The following ACER3 variants were observed in gnomAD, a reference collection of about 807,000 sequenced individuals.
The protein encoded by ACER3 is alkCDase 3.
Under a neutral mutation model 48.9 loss-of-function variants are expected in ACER3, and 16 were observed. The ratio of observed to expected loss-of-function variants is 0.33; its 90% CI spans 0.22 to 0.50. ACER3 has a LOEUF of 0.50. Among genes scored for constraint, ACER3 ranks in the 20% least tolerant of loss-of-function variants. The pLI is 0.98. For missense variants in ACER3, 227 were observed against 326.0 expected (o/e 0.70, Z 2.34); for synonymous variants, 109 against 107.8 (o/e 1.01, Z -0.07).
chr11:76,880,371 G>T (rs1945492073), intron 1 of ACER3, among the ~76,000 whole-genome samples: 1 of 152,140 alleles, frequency 6.6e-6, no homozygotes, highest in Non-Finnish European at 1.5e-5. Flanking sequence ...CCAGATGTGT[G>T]GGGATTTCTC....
At chr11:76,935,979 A>G (rs926209911) in intron 2 of ACER3, among the ~76,000 whole-genome samples, 1 of 152,180 alleles carries the variant, frequency 6.6e-6, no homozygotes, top group African/African-American at 2.4e-5. Context: ...AAAAGGCTTA[A>G]TGCAAAAATA....
intron 1 of ACER3, among the ~76,000 whole-genome samples, chr11:76,866,509 C>G (rs1945093982): frequency 6.6e-6 from 1 of 152,192 alleles, no homozygotes; most frequent in Non-Finnish European, 1.5e-5. Context: ...TAAGATGTAG[C>G]AGTGAAGTTT....
intron 1 of ACER3, among the ~76,000 whole-genome samples, chr11:76,919,373 G>C (rs10899312): frequency 0.72 from 109,947 of 152,032 alleles, 40,161 homozygotes; most frequent in African/African-American, 0.78. Context: ...CCCAAACTTT[G>C]TTTCTCATAT....
chr11:76,862,714 A>G (rs914920625), intron 1 of ACER3, among the ~76,000 whole-genome samples: 1 of 152,184 alleles, frequency 6.6e-6, no homozygotes, highest in African/African-American at 2.4e-5. Flanking sequence ...TAATGGGGAA[A>G]AGTTTGCTTC....
chr11:77,024,450 G>A lies in ACER3; in HGVS notation c.*4123G>A, dbSNP rs970532579. ...AGTCAGCTTCATATACCCAGATATG[G>A]ACACTTCTACACGTGAAATTCAAAC... On this transcript the variant is annotated 3_prime_UTR_variant, in exon 11 of 11. Transcript: ENST00000532485. 3 of 152,058 alleles carry A rather than the reference G, an allele frequency of 2.0e-5. No individual in the cohort carries two copies. The highest frequency in any genetic ancestry group is 2.9e-5 in the Non-Finnish European group (2 of 68,044). 9.4% of individuals were successfully genotyped at this position (152,058 alleles called of 1,614,324 possible).
At chr11:76,940,015 C>A (rs777095723) in intron 2 of ACER3, among the ~76,000 whole-genome samples, 2 of 152,216 alleles carry the variant, frequency 1.3e-5, no homozygotes, top group Non-Finnish European at 2.9e-5. Flanking sequence ...ATAATATGAT[C>A]ATGTAAGAGA....
At chr11:76,880,998 A>G (rs577728806) in intron 1 of ACER3, among the ~76,000 whole-genome samples, 94 of 152,160 alleles carry the variant, frequency 6.2e-4, no homozygotes, top group African/African-American at 2.2e-3. Context: ...GCTCACACCT[A>G]TAATACCAGC....
At chr11:76,869,316 T>G (rs1415685641) in intron 1 of ACER3, among the ~76,000 whole-genome samples, 2 of 152,174 alleles carry the variant, frequency 1.3e-5, no homozygotes, top group Non-Finnish European at 2.9e-5. Context: ...AAAACACAGT[T>G]TGAGTTGATA....
At chr11:76,875,729 G>GTT (rs1390719448) in intron 1 of ACER3, among the ~76,000 whole-genome samples, 3 of 79,812 alleles carry the variant, frequency 3.8e-5, no homozygotes, top group Admixed American at 1.2e-4. Context: ...CACAGTTTTT[G>GTT]TTGTTTTTTT....
intron 3 of ACER3, among the ~76,000 whole-genome samples, chr11:76,963,482 C>T (rs564030164): frequency 6.8e-5 from 10 of 146,514 alleles, no homozygotes; most frequent in South Asian, 6.6e-4. Flanking sequence ...CATTAGACAA[C>T]GAGACCAGTG....
intron 1 of ACER3, among the ~76,000 whole-genome samples, chr11:76,875,639 C>T (rs563723349): frequency 2.0e-5 from 3 of 149,946 alleles, no homozygotes; most frequent in Admixed American, 6.7e-5. Context: ...TTGCTTTCCT[C>T]TAAATACTAA....
intron 7 of ACER3, among the ~76,000 whole-genome samples, chr11:77,000,625 A>G (rs1300866938): frequency 1.3e-5 from 2 of 152,140 alleles, no homozygotes; most frequent in Non-Finnish European, 2.9e-5. Context: ...TGTTTTTTCC[A>G]TGTGGATGTC....
intron 1 of ACER3, among the ~76,000 whole-genome samples, chr11:76,884,813 G>A (rs1390742486): frequency 1.3e-5 from 2 of 151,866 alleles, no homozygotes; most frequent in African/African-American, 4.8e-5. Flanking sequence ...GTCCAGGCTG[G>A]AGGGCAATGG....
rs530453556 is a variant in ACER3, at chr11:76,967,703, A to T, written c.268-8586A>T. Reference sequence around the variant, plus strand: ...CAAAGACAAAAACCACATGGTTATCACAATAGATGCAGCAAAGGCCTTTGA... The same window carrying T: ...CAAAGACAAAAACCACATGGTTATCTCAATAGATGCAGCAAAGGCCTTTGA... On this transcript the variant is annotated intron_variant, in intron 3 of 10. Transcript: ENST00000532485. Among the ~76,000 whole-genome samples the T allele has an allele frequency of 1.2e-4, 18 of 152,372 alleles. No individual in the cohort carries two copies. In the East Asian group the frequency reaches 3.5e-3, roughly 29 times the overall value.
At chr11:76,865,525 T>C (rs957018962) in intron 1 of ACER3, among the ~76,000 whole-genome samples, 4 of 150,688 alleles carry the variant, frequency 2.7e-5, no homozygotes, top group South Asian at 2.1e-4. Context: ...TTTTTTTTTT[T>C]CCAGACGGAA....
intron 2 of ACER3, among the ~76,000 whole-genome samples, chr11:76,958,489 C>G (rs562985409): frequency 6.6e-6 from 1 of 152,118 alleles, no homozygotes; most frequent in Non-Finnish European, 1.5e-5. Context: ...GTCCGGCCAG[C>G]AACTCATTTT....
At chr11:76,991,466 C>T (rs1208052905) in intron 6 of ACER3, among the ~76,000 whole-genome samples, 1 of 152,094 alleles carries the variant, frequency 6.6e-6, no homozygotes, top group African/African-American at 2.4e-5. Flanking sequence ...ATTATTATGC[C>T]TTGCTTTTCT....
chr11:76,870,032 T>C (rs1945201950), intron 1 of ACER3, among the ~76,000 whole-genome samples: 2 of 151,864 alleles, frequency 1.3e-5, no homozygotes, highest in Non-Finnish European at 2.9e-5. Flanking sequence ...TGGCTACTTT[T>C]TTTATTTTCC....
intron 2 of ACER3, among the ~76,000 whole-genome samples, chr11:76,954,661 C>T (rs1038954934): frequency 3.7e-4 from 55 of 150,354 alleles, no homozygotes; most frequent in African/African-American, 1.3e-3. Flanking sequence ...AGTGCAGTGG[C>T]ACAATCATGG....
Sources: gnomAD v4.1 joint callset for allele counts (sites outside exome capture counted in the v4.1 genomes callset) on GRCh38, gnomAD v4.1.1 for gene constraint, MANE v1.5 for transcripts, NCBI Gene and HGNC (gene_info 2026-07-23, HGNC 2026-07-21) for gene names.